Variants in DMD observed in about 807,000 individuals in gnomAD.
The protein encoded by DMD is dystrophin, also known as mutant dystrophin.
A neutral mutation model predicts 330.1 loss-of-function variants in DMD; 63 were observed. The ratio of observed to expected loss-of-function variants is 0.19; its 90% CI spans 0.16 to 0.24. The LOEUF is 0.24. Among genes scored for constraint, DMD ranks in the 10% least tolerant of loss-of-function variants. The pLI, the probability that DMD is intolerant of heterozygous loss-of-function variation, is 1.00. For synonymous variants in DMD, 1,223 were observed against 959.8 expected, an observed-to-expected ratio of 1.27 and a Z score of -5.07; for missense variants, 3,344 against 2,684.1, an observed-to-expected ratio of 1.25 and a Z score of -5.43.
intron 57 of DMD, among the ~76,000 whole-genome samples, chrX:31,484,139 A>T (rs1227912481): frequency 2.7e-5 from 3 of 112,096 alleles, no homozygotes; most frequent in Non-Finnish European, 5.6e-5. Flanking sequence ...TTTTAAAAAA[A>T]GACAAACAAG....
At chrX:33,044,520 ATTG>A (rs1203845065) in intron 1 of DMD, among the ~76,000 whole-genome samples, 2 of 112,237 alleles carry the variant, frequency 1.8e-5, no homozygotes, top group African/African-American at 6.5e-5. Context: ...TAAGATGCAC[ATTG>A]ATTTAACTTC....
At chrX:31,237,422 C>A (rs1052959390) in intron 63 of DMD, among the ~76,000 whole-genome samples, 1 of 112,707 alleles carries the variant, frequency 8.9e-6, no homozygotes, top group Admixed American at 9.4e-5. Context: ...AGAATGTTTT[C>A]TTTTCACTGT....
intron 76 of DMD, among the ~76,000 whole-genome samples, chrX:31,144,995 A>G (rs1177288947): frequency 8.9e-6 from 1 of 112,025 alleles, no homozygotes; most frequent in Non-Finnish European, 1.9e-5. Flanking sequence ...CTTAGAACCT[A>G]GTCCTAGGCA....
chrX:33,065,894 A>C lies in DMD; in HGVS notation c.32-45694T>G, dbSNP rs977024107. Among the ~76,000 whole-genome samples the C allele has an allele frequency of 1.6e-4, 18 of 111,686 alleles. 2 individuals are homozygous for C. In the Admixed American group the frequency reaches 1.6e-3, roughly 10 times the overall value. ...ATTACAACTGTGTGTTTAGACAATA[A>C]AACCGAAGGATTTGCCTCAAATATC... is the stretch of plus-strand genomic sequence containing the variant. On this transcript the variant is annotated intron_variant, in intron 1 of 78. Coordinates refer to ENST00000357033, the MANE Select transcript of DMD (RefSeq NM_004006.3).
intron 44 of DMD, among the ~76,000 whole-genome samples, chrX:32,040,585 A>C (rs1439658871): frequency 9.0e-6 from 1 of 111,690 alleles, no homozygotes; most frequent in Non-Finnish European, 1.9e-5. Context: ...GGAGTCAAAA[A>C]GAAAGTTGGG....
At chrX:31,510,416 G>C (rs1194242588) in intron 55 of DMD, among the ~76,000 whole-genome samples, 1 of 110,266 alleles carries the variant, frequency 9.1e-6, no homozygotes, top group African/African-American at 3.3e-5. Context: ...TGAGGGAAAA[G>C]CACCCTGAAA....
At chrX:33,319,921 A>G (rs2053990585) in intron 1 of DMD, among the ~76,000 whole-genome samples, 1 of 111,928 alleles carries the variant, frequency 8.9e-6, no homozygotes, top group Admixed American at 9.6e-5. Flanking sequence ...GGTAAAATAT[A>G]TATATTTCCA....
At chrX:32,470,220 T>C (rs891729197) in intron 22 of DMD, among the ~76,000 whole-genome samples, 11 of 111,206 alleles carry the variant, frequency 9.9e-5, no homozygotes, top group African/African-American at 3.3e-4. Flanking sequence ...ACTCAAGACT[T>C]TCTTCCTTAC....
At chrX:32,301,235 A>AAAAG (rs386416858) in intron 42 of DMD, among the ~76,000 whole-genome samples, 82 of 108,053 alleles carry the variant, frequency 7.6e-4, no homozygotes, top group African/African-American at 2.5e-3. Flanking sequence ...AAAAAAAAAA[A>AAAAG]AAAGAAAGAA....
At chrX:32,008,079 T>A (rs2095676365) in intron 44 of DMD, among the ~76,000 whole-genome samples, 1 of 111,061 alleles carries the variant, frequency 9.0e-6, no homozygotes, top group African/African-American at 3.3e-5. Context: ...TACTGCCCAT[T>A]TGAGAGTATA....
At chrX:31,758,455 C>A (rs2089307955) in intron 51 of DMD, among the ~76,000 whole-genome samples, 1 of 111,148 alleles carries the variant, frequency 9.0e-6, no homozygotes, top group Admixed American at 9.6e-5. Context: ...CCCTTTCAAT[C>A]CAACTGAAAA....
chrX:32,870,989 C>CAAAA (rs1569537099), intron 2 of DMD, among the ~76,000 whole-genome samples: 2 of 28,902 alleles, frequency 6.9e-5, no homozygotes, highest in Non-Finnish European at 6.8e-5. Flanking sequence ...AAAAAAAAAA[C>CAAAA]CACAAAACCC....
intron 1 of DMD, among the ~76,000 whole-genome samples, chrX:33,170,316 T>C (rs925204617): frequency 1.0e-4 from 11 of 106,983 alleles, no homozygotes; most frequent in African/African-American, 3.8e-4. Flanking sequence ...ATAAATATGG[T>C]TGCAAAATGA....
chrX:32,472,189 A>G lies in DMD; in HGVS notation c.2924T>C (p.Met975Thr), dbSNP rs775126865. The change falls in exon 22 of 79, where the codon ATG becomes ACG. Residue 975 changes from methionine (M) to threonine (T), a missense_variant. Coordinates refer to ENST00000357033, the MANE Select transcript of DMD (RefSeq NM_004006.3). ...PQLSVTDYEIMEQRLGELQAL... is the reference protein window; with the variant it reads ...PQLSVTDYEITEQRLGELQAL... ...CTGCAATTCCCCGAGTCTCTGCTCC[A>G]TGATTTCATAGTCGGTGACACTAAG... 8.3e-7 allele frequency: 1 copy of G among 1,211,612 alleles called. No homozygotes were observed. The highest frequency in any genetic ancestry group is 1.1e-6 in the Non-Finnish European group (1 of 895,335).
At chrX:31,653,695 G>GGCT (rs1177392247) in intron 54 of DMD, among the ~76,000 whole-genome samples, 1 of 111,432 alleles carries the variant, frequency 9.0e-6, no homozygotes, top group African/African-American at 3.3e-5. Flanking sequence ...AATCCTTAGA[G>GGCT]GCTTCTCACA....
chrX:32,565,273 G>A (rs954264202), intron 16 of DMD, among the ~76,000 whole-genome samples: 1 of 111,448 alleles, frequency 9.0e-6, no homozygotes, highest in African/African-American at 3.3e-5. Flanking sequence ...CAAAAGACCT[G>A]AACCCTAGTT....
intron 7 of DMD, among the ~76,000 whole-genome samples, chrX:32,721,604 A>G (rs1245424386): frequency 9.0e-6 from 1 of 110,723 alleles, no homozygotes. Flanking sequence ...TGGATATTAA[A>G]CCCTTATCAG....
At chrX:31,981,584 T>C (rs924008435) in intron 44 of DMD, among the ~76,000 whole-genome samples, 3 of 111,028 alleles carry the variant, frequency 2.7e-5, no homozygotes, top group African/African-American at 6.5e-5. Flanking sequence ...TTACTTCCAT[T>C]TGGAGGAAGA....
chrX:32,568,853 G>A (rs988400276), intron 15 of DMD, among the ~76,000 whole-genome samples: 1 of 111,915 alleles, frequency 8.9e-6, no homozygotes, highest in African/African-American at 3.3e-5. Flanking sequence ...ACCTTGTCCT[G>A]TCTATCCATT....
Sources: gnomAD v4.1 joint callset for allele counts (sites outside exome capture counted in the v4.1 genomes callset) on GRCh38, gnomAD v4.1.1 for gene constraint, MANE v1.5 for transcripts, NCBI Gene and HGNC (gene_info 2026-07-23, HGNC 2026-07-21) for gene names.